The following RIC8B variants were observed in gnomAD, a reference collection of about 807,000 sequenced individuals.
RIC8B encodes chaperone Ric-8B.
RIC8B carries 16 observed loss-of-function variants against 57.5 expected under a neutral mutation model. That is an observed-to-expected ratio of 0.28 (90% CI 0.19 to 0.42). The LOEUF is 0.42. Among genes scored for constraint, RIC8B ranks in the 10% least tolerant of loss-of-function variants. The probability of loss-of-function intolerance (pLI) is 1.00; values close to 1 mark genes in which losing one functional copy is unlikely to be tolerated. For missense variants in RIC8B, 481 were observed against 677.0 expected (o/e 0.71, Z 3.21); for synonymous variants, 216 against 250.8 (o/e 0.86, Z 1.31).
intron 6 of RIC8B, among the ~76,000 whole-genome samples, chr12:106,850,639 A>C (rs1256595440): frequency 6.6e-6 from 1 of 152,214 alleles, no homozygotes; most frequent in African/African-American, 2.4e-5. Flanking sequence ...TGATGTTACT[A>C]TCTCCTTTGC....
chr12:106,881,833 A>G (rs1015661597), intron 9 of RIC8B, among the ~76,000 whole-genome samples: 4 of 152,172 alleles, frequency 2.6e-5, no homozygotes, highest in Non-Finnish European at 5.9e-5. Flanking sequence ...GGTATGAGAA[A>G]TAAGCCTGGG....
At chr12:106,789,893 A>G (rs1324823245) in intron 2 of RIC8B, among the ~76,000 whole-genome samples, 2 of 151,728 alleles carry the variant, frequency 1.3e-5, no homozygotes, top group Non-Finnish European at 2.9e-5. Flanking sequence ...AATCTTTGTG[A>G]CAACTTAGAA....
At chr12:106,850,082 G>A (rs1312245431) in intron 6 of RIC8B, among the ~76,000 whole-genome samples, 2 of 152,204 alleles carry the variant, frequency 1.3e-5, no homozygotes, top group African/African-American at 4.8e-5. Flanking sequence ...ATTCTCATAG[G>A]AGCACAAACA....
At chr12:106,874,921 C>G (rs1686816417) in intron 9 of RIC8B, among the ~76,000 whole-genome samples, 3 of 152,042 alleles carry the variant, frequency 2.0e-5, no homozygotes, top group African/African-American at 7.2e-5. Flanking sequence ...AGAATCTGAA[C>G]CCTATAAATC....
At chr12:106,775,795 G>A (rs1380288677) in intron 1 of RIC8B, among the ~76,000 whole-genome samples, 2 of 152,192 alleles carry the variant, frequency 1.3e-5, no homozygotes, top group African/African-American at 4.8e-5. Context: ...TGCTTTATAG[G>A]AATGACTGGC....
intron 9 of RIC8B, among the ~76,000 whole-genome samples, chr12:106,882,391 G>A (rs530980370): frequency 2.0e-5 from 3 of 152,258 alleles, no homozygotes; most frequent in African/African-American, 7.2e-5. Context: ...AGGTCCGTCT[G>A]ACTCCAAAAC....
At chr12:106,825,666 C>A in intron 3 of RIC8B, 60 bp from the exon 4 acceptor site, 1 of 1,224,834 alleles carries the variant, frequency 8.2e-7, no homozygotes, top group Non-Finnish European at 1.2e-6. Flanking sequence ...AGTAAAGTAG[C>A]AGACCCCACT....
At chr12:106,807,735 TA>T (rs140886435) in intron 2 of RIC8B, among the ~76,000 whole-genome samples, 2,755 of 152,286 alleles carry the variant, frequency 0.018, 46 homozygotes, top group Middle Eastern at 0.048. Context: ...ATTAAACTGT[TA>T]GATGAGCCTA....
At chr12:106,788,817 A>G (rs997132447) in intron 2 of RIC8B, among the ~76,000 whole-genome samples, 11 of 152,200 alleles carry the variant, frequency 7.2e-5, no homozygotes, top group African/African-American at 2.7e-4. Flanking sequence ...GAGGGGCTGC[A>G]TTAAGACCTA....
intron 2 of RIC8B, among the ~76,000 whole-genome samples, chr12:106,807,142 T>C (rs1004536606): frequency 2.0e-5 from 3 of 152,218 alleles, no homozygotes; most frequent in Non-Finnish European, 2.9e-5. Flanking sequence ...GCTACCACTC[T>C]AGTTGAAACT....
intron 6 of RIC8B, among the ~76,000 whole-genome samples, chr12:106,845,806 A>G (rs1949161626): frequency 6.6e-6 from 1 of 152,122 alleles, no homozygotes; most frequent in Non-Finnish European, 1.5e-5. Flanking sequence ...TGTAGGCTAC[A>G]TGCCTTCCGC....
intron 2 of RIC8B, among the ~76,000 whole-genome samples, chr12:106,795,262 T>A (rs2044426612): frequency 6.6e-6 from 1 of 152,200 alleles, no homozygotes; most frequent in African/African-American, 2.4e-5. Flanking sequence ...AAGGGAATAG[T>A]GAAGTAGCTA....
chr12:106,775,583 G>C (rs1406626511), intron 1 of RIC8B, among the ~76,000 whole-genome samples: 1 of 152,192 alleles, frequency 6.6e-6, no homozygotes, highest in Non-Finnish European at 1.5e-5. Flanking sequence ...ACTTGCCCAA[G>C]GTCATACTTG....
In RIC8B at chr12:106,814,987, G is replaced by A. The variant is rs1161191279; in HGVS notation, c.424G>A (p.Ala142Thr). 1 of 1,614,222 alleles carries A rather than the reference G, an allele frequency of 6.2e-7. No individual in the cohort carries two copies. The highest frequency in any genetic ancestry group is 8.5e-7 in the Non-Finnish European group (1 of 1,180,034). The change falls in exon 3 of 10, where the codon GCA becomes ACA. Residue 142 changes from alanine to threonine, a missense_variant. By Grantham distance (58) the Ala-to-Thr change is moderately conservative (BLOSUM62 0). This residue lies in a region of RIC8B where 421 missense variants were observed against 560.9 expected (regional missense o/e 0.75). Coordinates refer to ENST00000392837, the MANE Select transcript of RIC8B (RefSeq NM_001330145.2). ...QQLSLELNLA[A>T]KLCNLLRKCK... ...GCTCAGCCTGGAACTTAATCTTGCT[G>A]CAAAGCTCTGTAACCTCCTGAGAAA...
At chr12:106,871,120 G>A (rs1950384636) in intron 9 of RIC8B, 178 bp downstream of exon 9, 10 of 472,462 alleles carry the variant, frequency 2.1e-5, no homozygotes, top group East Asian at 3.1e-5. Flanking sequence ...TACATGTGCC[G>A]CTTCTGGATG....
intron 2 of RIC8B, among the ~76,000 whole-genome samples, chr12:106,812,398 T>G (rs1044521403): frequency 3.9e-5 from 6 of 152,130 alleles, no homozygotes; most frequent in Admixed American, 1.3e-4. Context: ...TTTTCTTTCT[T>G]GAGTCTGAAG....
At chr12:106,793,261 A>G (rs555851405) in intron 2 of RIC8B, among the ~76,000 whole-genome samples, 8 of 152,132 alleles carry the variant, frequency 5.3e-5, no homozygotes, top group Non-Finnish European at 1.0e-4. Flanking sequence ...ACAGAAGCAT[A>G]CCATTGTCTC....
intron 2 of RIC8B, among the ~76,000 whole-genome samples, chr12:106,797,631 A>C (rs1244728252): frequency 1.3e-5 from 2 of 152,236 alleles, no homozygotes; most frequent in African/African-American, 4.8e-5. Context: ...ATGCTTTAAC[A>C]AGTTGAATCT....
Position 106,774,849 on chromosome 12 carries a change from G to A in RIC8B, c.84+20G>A. 6.5e-7 allele frequency: 1 copy of A among 1,543,432 alleles called. No homozygotes were observed. The highest frequency in any genetic ancestry group is 8.8e-7 in the Non-Finnish European group (1 of 1,141,378). On this transcript the variant is annotated intron_variant, in intron 1 of 9. Transcript: ENST00000392837. ...GACAAGGTAAAGAGTCCTGGCCCCG[G>A]GCGTGCGGTATCGCACCCCCGGGCC...
Sources: allele counts gnomAD v4.1 joint callset (sites outside exome capture counted in the v4.1 genomes callset), GRCh38; gene constraint gnomAD v4.1.1; regional missense constraint gnomAD v4.1.1; transcripts MANE v1.5; gene names NCBI Gene and HGNC (gene_info 2026-07-23, HGNC 2026-07-21).